The following CNMD variants were observed in gnomAD, a reference collection of about 807,000 sequenced individuals.
CNMD encodes the protein leukocyte cell-derived chemotaxin 1.
In CNMD, 30 loss-of-function variants were observed where a neutral mutation model predicts 37.5. That is an observed-to-expected ratio of 0.80 (90% CI 0.60 to 1.09). The LOEUF (loss-of-function observed/expected upper bound fraction) is 1.09. CNMD is among the 50% of genes least tolerant of loss of function. CNMD has a pLI of 0.00. For missense variants in CNMD, 398 were observed against 423.9 expected (o/e 0.94, Z 0.54); for synonymous variants, 167 against 148.2 (o/e 1.13, Z -0.92).
intron 2 of CNMD, among the ~76,000 whole-genome samples, chr13:52,736,557 AGCTGGGGACGAG>A (rs934831384): frequency 6.6e-6 from 1 of 152,178 alleles, no homozygotes; most frequent in African/African-American, 2.4e-5. Context: ...CTAGACTCTG[AGCTGGGGACGAG>A]GCTGGGCTGT....
intron 6 of CNMD, among the ~76,000 whole-genome samples, chr13:52,704,098 G>A (rs1964137131): frequency 2.0e-5 from 3 of 152,080 alleles, no homozygotes; most frequent in Admixed American, 1.3e-4. Context: ...ATGAACTATG[G>A]TTACCACTTA....
intron 4 of CNMD, among the ~76,000 whole-genome samples, chr13:52,714,744 G>A (rs975558099): frequency 6.6e-6 from 1 of 151,786 alleles, no homozygotes; most frequent in Non-Finnish European, 1.5e-5. Flanking sequence ...TGTACAACAG[G>A]ATAATTTCCC....
chr13:52,715,942 G>A (rs1023373613), intron 4 of CNMD, among the ~76,000 whole-genome samples: 3 of 152,144 alleles, frequency 2.0e-5, no homozygotes, highest in African/African-American at 7.2e-5. Context: ...ATTCCACAAT[G>A]GTTAAACTGA....
At chr13:52,727,372 T>C (rs1285966415) in intron 3 of CNMD, among the ~76,000 whole-genome samples, 2 of 150,670 alleles carry the variant, frequency 1.3e-5, no homozygotes, top group East Asian at 2.0e-4. Context: ...TAAAAAAGAA[T>C]AAAAAAGGGC....
At chr13:52,712,168 C>T (rs560645959) in intron 5 of CNMD, among the ~76,000 whole-genome samples, 31 of 136,484 alleles carry the variant, frequency 2.3e-4, no homozygotes, top group African/African-American at 8.5e-4. Context: ...CCAGAAATAG[C>T]TCAAAGATAT....
In CNMD at chr13:52,709,335, C is replaced by T. The variant is rs563351287; in HGVS notation, c.623-633G>A. Among the ~76,000 whole-genome samples the T allele has an allele frequency of 6.6e-5, 10 of 152,238 alleles. No homozygotes were observed. The South Asian group carries it at 2.1e-3, about 32-fold the overall frequency. ...TGATAGTGTCAAAAACCTCCTCTCT[C>T]TAGACTTCTGGCTATATGAAAAAAA... is the stretch of plus-strand genomic sequence containing the variant. On this transcript the variant is annotated intron_variant, in intron 5 of 6. Coordinates refer to ENST00000377962, the MANE Select transcript of CNMD (RefSeq NM_007015.3).
At chr13:52,722,324 GCAAA>G (rs1217237473) in intron 4 of CNMD, among the ~76,000 whole-genome samples, 1 of 152,166 alleles carries the variant, frequency 6.6e-6, no homozygotes, top group Non-Finnish European at 1.5e-5. Context: ...TCCTATGGGG[GCAAA>G]CAATCAGGCA....
In CNMD at chr13:52,739,341, C is replaced by T. The variant is rs1455422269; in HGVS notation, c.73-170G>A. 26 of 821,538 alleles carry T rather than the reference C, an allele frequency of 3.2e-5. No homozygotes were observed. Among genetic ancestry groups the T allele is most frequent in the Non-Finnish European group, 4.7e-5 (26 of 550,694 alleles). 50.9% of individuals were successfully genotyped at this position (821,538 alleles called of 1,614,324 possible). On this transcript the variant is annotated intron_variant, in intron 1 of 6. Coordinates refer to ENST00000377962, the MANE Select transcript of CNMD (RefSeq NM_007015.3). This position sits in a 1 kb window ranked among gnomAD's most constrained non-coding sequence, Gnocchi z 5.4. ...TTCGCCGCGCTCCCTCCCGAGGGTC[C>T]TTTGCAGTCGGGCGTGGAAGTGGGA...
At chr13:52,721,477 TA>T (rs1467558187) in intron 4 of CNMD, among the ~76,000 whole-genome samples, 1 of 152,216 alleles carries the variant, frequency 6.6e-6, no homozygotes, top group East Asian at 1.9e-4. Flanking sequence ...GGGAAAAGCA[TA>T]GTATCTGGGC....
chr13:52,727,786 G>A (rs1238217830), intron 3 of CNMD, among the ~76,000 whole-genome samples: 1 of 152,192 alleles, frequency 6.6e-6, no homozygotes, highest in African/African-American at 2.4e-5. Context: ...AGATACCAGA[G>A]GCTGAGAAGG....
Position 52,739,507 on chromosome 13 carries a change from G to A in CNMD, c.72+123C>T. On this transcript the variant is annotated intron_variant, in intron 1 of 6. Transcript: ENST00000377962. The surrounding 1 kb of genome is among the most constrained non-coding windows in gnomAD (Gnocchi z 5.4). Reference sequence around the variant, plus strand: ...GGGGCGACATCCCACCCACACATTTGGGACCCAAATTTATCCCCCCGCCAA... The same window carrying A: ...GGGGCGACATCCCACCCACACATTTAGGACCCAAATTTATCCCCCCGCCAA... 2 of 899,750 alleles carry A rather than the reference G, an allele frequency of 2.2e-6. No individual in the cohort carries two copies. The highest frequency in any genetic ancestry group is 3.6e-6 in the Non-Finnish European group (2 of 556,858). 55.7% of individuals were successfully genotyped at this position (899,750 alleles called of 1,614,324 possible).
At chr13:52,735,536 G>A (rs1373783624) in intron 2 of CNMD, among the ~76,000 whole-genome samples, 1 of 152,120 alleles carries the variant, frequency 6.6e-6, no homozygotes, top group Non-Finnish European at 1.5e-5. Flanking sequence ...ACCCCTGGCT[G>A]TCTTCTCCCC....
rs1203275405 is a variant in CNMD at position 52,733,262 on chromosome 13, C to T, written c.311G>A (p.Gly104Glu). The change falls in exon 3 of 7, where the codon GGA becomes GAA. Residue 104 changes from glycine to glutamate, a missense_variant. By Grantham distance (98) the Gly-to-Glu change is moderately conservative. Transcript: ENST00000377962. The stretch of plus-strand genomic sequence containing the variant: ...TGCAATTGCTTCTTCAGCTCCACTT[C>T]CCATTTTAAAGGTCTCCAAGTTGTT... The part of the protein sequence containing the change: ...AGNNLETFKM[G>E]SGAEEAIAVN... The T allele has an allele frequency of 1.9e-6, 3 of 1,614,098 alleles. No individual in the cohort carries two copies. Among genetic ancestry groups the T allele is most frequent in the Non-Finnish European group, 2.5e-6 (3 of 1,179,926 alleles).
intron 3 of CNMD, among the ~76,000 whole-genome samples, chr13:52,727,088 C>T (rs1964587238): frequency 6.6e-6 from 1 of 151,806 alleles, no homozygotes; most frequent in Admixed American, 6.6e-5. Context: ...CAACTATAAA[C>T]CCCATCTCTA....
chr13:52,735,621 C>A (rs1034006754), intron 2 of CNMD, among the ~76,000 whole-genome samples: 1 of 151,146 alleles, frequency 6.6e-6, no homozygotes, highest in Non-Finnish European at 1.5e-5. Context: ...GAAGAATTGT[C>A]TTGGACCACA....
intron 2 of CNMD, among the ~76,000 whole-genome samples, chr13:52,736,229 C>T (rs570302433): frequency 5.3e-5 from 8 of 152,324 alleles, no homozygotes; most frequent in East Asian, 1.9e-4. Flanking sequence ...CTCCTGACCT[C>T]GTGAGCCGCC....
At chr13:52,736,438 C>G (rs1452575424) in intron 2 of CNMD, among the ~76,000 whole-genome samples, 1 of 152,158 alleles carries the variant, frequency 6.6e-6, no homozygotes, top group African/African-American at 2.4e-5. Context: ...CTGCAGCCCA[C>G]CTTTTATGTG....
In CNMD at chr13:52,712,759, G is replaced by T. The variant is rs150210923; in HGVS notation, c.579C>A (p.Cys193Ter). 1 of 1,553,516 alleles carries T rather than the reference G, an allele frequency of 6.4e-7. No individual in the cohort carries two copies. Among genetic ancestry groups the T allele is most frequent in the Non-Finnish European group, 8.7e-7 (1 of 1,149,318 alleles). Residue 193 changes from cysteine to a stop codon, truncating the protein, a stop_gained, in exon 5 of 7, where the codon TGC (cysteine) becomes TGA (stop). Transcript: ENST00000377962. LOFTEE classifies it high-confidence loss of function. ...SFLSSKVLEL[C>*]GDLPIFWLKP... The stretch of plus-strand genomic sequence containing the variant: ...TAAGCCAGAAAATAGGAAGGTCACC[G>T]CAGAGTTCTAACACCTTAGAACTCA...
chr13:52,706,458 G>GCTCC (rs1964175567), intron 6 of CNMD, among the ~76,000 whole-genome samples: 1 of 152,144 alleles, frequency 6.6e-6, no homozygotes. Context: ...TGCTAAAAGA[G>GCTCC]CTCCACCTGC....
Sources: allele counts gnomAD v4.1 joint callset (sites outside exome capture counted in the v4.1 genomes callset), GRCh38; gene constraint gnomAD v4.1.1; non-coding constraint Gnocchi (gnomAD v3.1); transcripts MANE v1.5; gene names NCBI Gene and HGNC (gene_info 2026-07-23, HGNC 2026-07-21).